Variants in SLC41A2 observed in about 807,000 individuals in gnomAD.
SLC41A2 encodes the protein SLC41A1-like 1.
A neutral mutation model predicts 58.3 loss-of-function variants in SLC41A2; 32 were observed. The observed-to-expected ratio is 0.55, with a 90% CI of 0.41 to 0.74. The LOEUF is 0.74. SLC41A2 is among the 30% of genes least tolerant of loss of function. The pLI, the probability that SLC41A2 is intolerant of heterozygous loss-of-function variation, is 0.00. For synonymous variants in SLC41A2, 190 were observed against 235.0 expected (o/e 0.81, Z 1.75); for missense variants, 514 against 680.6 (o/e 0.76, Z 2.72).
intron 3 of SLC41A2, among the ~76,000 whole-genome samples, chr12:104,896,756 C>T (rs890641322): frequency 2.0e-5 from 3 of 152,154 alleles, no homozygotes; most frequent in African/African-American, 4.8e-5. Context: ...AACTGTGCCA[C>T]GTTAATTTGG....
chr12:104,875,889 T>C (rs1221659967), intron 6 of SLC41A2, among the ~76,000 whole-genome samples: 1 of 152,232 alleles, frequency 6.6e-6, no homozygotes, highest in Admixed American at 6.5e-5. Context: ...TTTGAATGTT[T>C]GGTAGAATTC....
intron 2 of SLC41A2, among the ~76,000 whole-genome samples, chr12:104,922,775 A>G (rs2135853088): frequency 6.6e-6 from 1 of 152,288 alleles, no homozygotes; most frequent in South Asian, 2.1e-4. Context: ...ATTATATCTT[A>G]AGCCACAAAA....
intron 8 of SLC41A2, among the ~76,000 whole-genome samples, chr12:104,857,415 C>G (rs2043057276): frequency 6.6e-6 from 1 of 152,164 alleles, no homozygotes; most frequent in Non-Finnish European, 1.5e-5. Context: ...GGACTGTAAA[C>G]TAGTTCAACC....
intron 1 of SLC41A2, among the ~76,000 whole-genome samples, chr12:104,957,737 G>C (rs2048221677): frequency 6.6e-6 from 1 of 152,198 alleles, no homozygotes; most frequent in South Asian, 2.1e-4. Flanking sequence ...GGGTGTGCCC[G>C]AGCCAGCCTC....
At chr12:104,930,601 TC>T (rs2047015179) in intron 1 of SLC41A2, among the ~76,000 whole-genome samples, 1 of 152,150 alleles carries the variant, frequency 6.6e-6, no homozygotes, top group African/African-American at 2.4e-5. Flanking sequence ...ATAGGAAACT[TC>T]CCTCCTGATG....
intron 8 of SLC41A2, among the ~76,000 whole-genome samples, chr12:104,847,522 T>C (rs1254201253): frequency 6.6e-6 from 1 of 151,022 alleles, no homozygotes; most frequent in East Asian, 1.9e-4. Flanking sequence ...GGCGAATCAC[T>C]TGAACCCTGG....
intron 6 of SLC41A2, among the ~76,000 whole-genome samples, chr12:104,886,043 G>C (rs974909679): frequency 6.6e-6 from 1 of 151,936 alleles, no homozygotes; most frequent in Non-Finnish European, 1.5e-5. Flanking sequence ...TAACTTCTAT[G>C]ATCCTTGCTT....
At chr12:104,920,167 T>C (rs1178594743) in intron 2 of SLC41A2, among the ~76,000 whole-genome samples, 5 of 152,224 alleles carry the variant, frequency 3.3e-5, no homozygotes, top group Middle Eastern at 3.2e-3. Context: ...TTCTGTGGCA[T>C]TGATCTCTGT....
chr12:104,847,897 G>A (rs985871244), intron 8 of SLC41A2, among the ~76,000 whole-genome samples: 2 of 152,136 alleles, frequency 1.3e-5, no homozygotes, highest in East Asian at 3.8e-4. Flanking sequence ...TAAAGTCACA[G>A]TTTTAAGAAC....
At chr12:104,954,063 T>C (rs2048057318) in intron 1 of SLC41A2, among the ~76,000 whole-genome samples, 1 of 152,236 alleles carries the variant, frequency 6.6e-6, no homozygotes, top group Admixed American at 6.5e-5. Flanking sequence ...TCTTTTCTCA[T>C]CTTTCAGATC....
chr12:104,808,832 T>C (rs962436412), intron 10 of SLC41A2, among the ~76,000 whole-genome samples: 1 of 152,246 alleles, frequency 6.6e-6, no homozygotes, highest in Non-Finnish European at 1.5e-5. Context: ...CCATTTCTTC[T>C]AGATTTTCTA....
chr12:104,808,798 G>A (rs1483708855), intron 10 of SLC41A2, among the ~76,000 whole-genome samples: 1 of 152,170 alleles, frequency 6.6e-6, no homozygotes, highest in African/African-American at 2.4e-5. Context: ...AGTCCTGGGA[G>A]GGTGTATGTG....
chr12:104,810,126 G>A (rs1295384331), intron 10 of SLC41A2, among the ~76,000 whole-genome samples: 1 of 152,060 alleles, frequency 6.6e-6, no homozygotes, highest in Non-Finnish European at 1.5e-5. Flanking sequence ...GCAGACGCTA[G>A]GTATATAATA....
intron 3 of SLC41A2, among the ~76,000 whole-genome samples, chr12:104,898,771 A>C (rs1250627150): frequency 6.6e-6 from 1 of 152,170 alleles, no homozygotes; most frequent in Non-Finnish European, 1.5e-5. Flanking sequence ...TACTCAAAGA[A>C]CTCTTAAAAC....
chr12:104,812,206 T>A (rs935949561), intron 10 of SLC41A2, among the ~76,000 whole-genome samples: 1 of 152,198 alleles, frequency 6.6e-6, no homozygotes, highest in African/African-American at 2.4e-5. Context: ...CCTTTAATAG[T>A]AAAGCATCCA....
At chr12:104,929,941 G>A (rs540928282) in intron 1 of SLC41A2, among the ~76,000 whole-genome samples, 1 of 152,342 alleles carries the variant, frequency 6.6e-6, no homozygotes, top group South Asian at 2.1e-4. Flanking sequence ...ATGGCAAAGG[G>A]AGAAAGAGAA....
At chr12:104,913,254 G>A (rs1034202696) in intron 2 of SLC41A2, among the ~76,000 whole-genome samples, 2 of 152,154 alleles carry the variant, frequency 1.3e-5, no homozygotes, top group African/African-American at 2.4e-5. Context: ...AGAGGACAGC[G>A]TGACCTTGAA....
chr12:104,823,806 AG>A (rs1456179746), intron 10 of SLC41A2, among the ~76,000 whole-genome samples: 1 of 152,220 alleles, frequency 6.6e-6, no homozygotes, highest in Non-Finnish European at 1.5e-5. Flanking sequence ...TACATGGTCA[AG>A]AAAATAAAAA....
chr12:104,944,968 C>T lies in SLC41A2; in HGVS notation c.-168+13120G>A, dbSNP rs144928097. Among the ~76,000 whole-genome samples, 718 of 148,592 alleles carry T rather than the reference C, an allele frequency of 4.8e-3. 7 individuals are homozygous for T. The highest frequency in any genetic ancestry group is 0.016 in the African/African-American group (653 of 40,252). ...GGCATATCACGTGAGGTCAGGAGTT[C>T]GAGACCAGCCTGGCCAACATGGTGA... On this transcript the variant is annotated intron_variant, in intron 1 of 10. Transcript: ENST00000258538.
Sources: allele counts gnomAD v4.1 joint callset (sites outside exome capture counted in the v4.1 genomes callset), GRCh38; gene constraint gnomAD v4.1.1; transcripts MANE v1.5; gene names NCBI Gene and HGNC (gene_info 2026-07-23, HGNC 2026-07-21).